CA1: variants seen among roughly 807,000 people sequenced by gnomAD.
CA1 encodes carbonate dehydratase I.
Under a neutral mutation model 28.8 loss-of-function variants are expected in CA1, and 27 were observed. The observed-to-expected ratio is 0.94, with a 90% CI of 0.69 to 1.29. The LOEUF (loss-of-function observed/expected upper bound fraction) is 1.29. CA1 is among the 50% of genes most tolerant of loss of function. CA1 has a pLI of 0.00. For missense variants in CA1, 335 were observed against 310.5 expected (o/e 1.08, Z -0.59); for synonymous variants, 121 against 108.8 (o/e 1.11, Z -0.70).
chr8:85,341,706 G>T (rs1808941443), intron 1 of CA1, 47 bp from the exon 2 acceptor site: 3 of 1,016,596 alleles, frequency 3.0e-6, no homozygotes, highest in Admixed American at 1.7e-5. Flanking sequence ...AACTGTGCAT[G>T]CAGGAGATGC....
chr8:85,354,504 T>C (rs550080503), intron 1 of CA1, among the ~76,000 whole-genome samples: 2 of 152,246 alleles, frequency 1.3e-5, no homozygotes, highest in South Asian at 4.2e-4. Flanking sequence ...CTAAAAAATA[T>C]CTGTTTCCTC....
At chr8:85,345,825 A>G (rs771305950) in intron 1 of CA1, among the ~76,000 whole-genome samples, 1 of 152,126 alleles carries the variant, frequency 6.6e-6, no homozygotes, top group African/African-American at 2.4e-5. Flanking sequence ...TGTGTCTGTC[A>G]GTCATTACTG....
chr8:85,328,863 T>G (rs923383180), intron 7 of CA1, among the ~76,000 whole-genome samples, 187 bp from the exon 8 acceptor site: 11 of 152,066 alleles, frequency 7.2e-5, no homozygotes, highest in Non-Finnish European at 1.3e-4. Context: ...TTTGCTTTAA[T>G]TATTGATTTA....
chr8:85,363,325 G>C (rs1320551699), intron 1 of CA1, among the ~76,000 whole-genome samples: 10 of 152,138 alleles, frequency 6.6e-5, no homozygotes, highest in Non-Finnish European at 1.3e-4. Context: ...TGAGGGCTCC[G>C]CTTGCTAACC....
At chr8:85,353,034 G>A (rs1437439949) in intron 1 of CA1, among the ~76,000 whole-genome samples, 6 of 152,180 alleles carry the variant, frequency 3.9e-5, no homozygotes, top group African/African-American at 1.2e-4. Flanking sequence ...AAGGACCCAA[G>A]TCCCAGAGGG....
At chr8:85,356,379 G>GTCTC (rs1809606389) in intron 1 of CA1, among the ~76,000 whole-genome samples, 2 of 152,046 alleles carry the variant, frequency 1.3e-5, no homozygotes, top group Non-Finnish European at 2.9e-5. Flanking sequence ...AGCACTCAGT[G>GTCTC]AATGGCAACT....
At chr8:85,366,858 G>A (rs1303011338) in intron 1 of CA1, among the ~76,000 whole-genome samples, 1 of 152,178 alleles carries the variant, frequency 6.6e-6, no homozygotes, top group Non-Finnish European at 1.5e-5. Context: ...TATGTAGTCA[G>A]TGAAGAGAGA....
At chr8:85,338,762 G>A (rs1290128083) in intron 2 of CA1, among the ~76,000 whole-genome samples, 2 of 138,894 alleles carry the variant, frequency 1.4e-5, no homozygotes, top group East Asian at 4.3e-4. Context: ...CACCCAGGCT[G>A]GAGTGCAGTG....
At chr8:85,355,205 G>A (rs1809557609) in intron 1 of CA1, among the ~76,000 whole-genome samples, 1 of 152,150 alleles carries the variant, frequency 6.6e-6, no homozygotes, top group Non-Finnish European at 1.5e-5. Context: ...TCAGGGCACT[G>A]AGATCACTGA....
chr8:85,377,511 G>T (rs1323072514), intron 1 of CA1, among the ~76,000 whole-genome samples: 1 of 152,128 alleles, frequency 6.6e-6, no homozygotes, highest in African/African-American at 2.4e-5. Context: ...ATTTTAAATG[G>T]TAATTTATAT....
chr8:85,348,776 T>C (rs930744263), intron 1 of CA1, among the ~76,000 whole-genome samples: 1 of 152,200 alleles, frequency 6.6e-6, no homozygotes, highest in Non-Finnish European at 1.5e-5. Flanking sequence ...TTAATAAGTA[T>C]AAAATACCTA....
intron 1 of CA1, 75 bp from the exon 2 acceptor site, chr8:85,341,734 G>A (rs1808942462): frequency 7.2e-6 from 6 of 827,846 alleles, no homozygotes; most frequent in Non-Finnish European, 1.3e-5. Flanking sequence ...CCCTGCTTGG[G>A]CGTTTTTATA....
At chr8:85,336,287 C>T (rs1193459718) in intron 4 of CA1, among the ~76,000 whole-genome samples, 2 of 152,138 alleles carry the variant, frequency 1.3e-5, no homozygotes, top group Non-Finnish European at 2.9e-5. Context: ...TATGGGTACA[C>T]ATGTATTATA....
At chr8:85,376,099 AG>A (rs1810405527) in intron 1 of CA1, among the ~76,000 whole-genome samples, 1 of 152,080 alleles carries the variant, frequency 6.6e-6, no homozygotes, top group African/African-American at 2.4e-5. Context: ...GGAAGGTCCA[AG>A]CTGGTGGATC....
At chr8:85,331,840 A>G (rs576203854) in intron 6 of CA1, among the ~76,000 whole-genome samples, 40 of 151,960 alleles carry the variant, frequency 2.6e-4, no homozygotes, top group African/African-American at 9.4e-4. Context: ...TATTTTTTTG[A>G]TAACTCTTGA....
At chr8:85,355,221 G>A (rs1809558129) in intron 1 of CA1, among the ~76,000 whole-genome samples, 1 of 152,180 alleles carries the variant, frequency 6.6e-6, no homozygotes, top group African/African-American at 2.4e-5. Context: ...ACTGACTGCT[G>A]TGCGAGAAAA....
At position 85,336,941 on chromosome 8, in the gene CA1, T is replaced by C; in HGVS notation, c.354+4A>G. ...ATTATCTCTCACTTACTAAATTACA[T>C]TACCTCGGCAGAATATTTGACTCCA... is the stretch of plus-strand genomic sequence containing the variant. On this transcript the variant is annotated splice_donor_region_variant and intron_variant, in intron 4 of 7. Transcript: ENST00000523022. 6.5e-7 allele frequency: 1 copy of C among 1,549,594 alleles called. No individual in the cohort carries two copies. Among genetic ancestry groups the C allele is most frequent in the African/African-American group, 1.4e-5 (1 of 73,710 alleles).
rs781212845 is a variant in CA1 at position 85,338,386 on chromosome 8, A to G, written c.101T>C (p.Ile34Thr). 1 of 1,614,014 alleles carries G rather than the reference A, an allele frequency of 6.2e-7. No homozygotes were observed. The change falls in exon 3 of 8, where the codon ATT (isoleucine) becomes ACT (threonine). Residue 34 changes from isoleucine to threonine, a missense_variant. Coordinates refer to ENST00000523022, the MANE Select transcript of CA1 (RefSeq NM_001128831.4). The stretch of plus-strand genomic sequence containing the variant: ...GTCATGTTTGGTTTCACTGGTTTTA[A>G]TATCAACAGGGGACTGGTTATTTCC... ...ANGNNQSPVDIKTSETKHDTS... is the reference protein window; with the variant it reads ...ANGNNQSPVDTKTSETKHDTS...
intron 4 of CA1, among the ~76,000 whole-genome samples, chr8:85,335,449 G>A (rs528448499): frequency 1.5e-4 from 23 of 152,238 alleles, no homozygotes; most frequent in South Asian, 8.3e-4. Context: ...ATACTGGAGC[G>A]TAGAGTGATT....
Sources: gnomAD v4.1 joint callset for allele counts (sites outside exome capture counted in the v4.1 genomes callset) on GRCh38, gnomAD v4.1.1 for gene constraint, MANE v1.5 for transcripts, NCBI Gene and HGNC (gene_info 2026-07-23, HGNC 2026-07-21) for gene names.